SEMA6D: variants seen among roughly 807,000 people sequenced by gnomAD.
SEMA6D encodes semaphorin-6D.
Under a neutral mutation model 106.6 loss-of-function variants are expected in SEMA6D, and 35 were observed. The observed-to-expected ratio is 0.33, with a 90% CI of 0.25 to 0.44. The LOEUF is 0.44. Among genes scored for constraint, SEMA6D ranks in the 20% least tolerant of loss-of-function variants. The probability of loss-of-function intolerance (pLI) is 1.00; values close to 1 mark genes in which losing one functional copy is unlikely to be tolerated. For synonymous variants in SEMA6D, 499 were observed against 487.7 expected, an observed-to-expected ratio of 1.02 and a Z score of -0.31; for missense variants, 1,185 against 1,345.9, an observed-to-expected ratio of 0.88 and a Z score of 1.87.
At chr15:47,720,261 CTTTTTTTTTTTT>C (rs869122623) in intron 1 of SEMA6D, among the ~76,000 whole-genome samples, 16 of 97,168 alleles carry the variant, frequency 1.6e-4, no homozygotes, top group African/African-American at 5.8e-4. Context: ...AATAACCTTT[CTTTTTTTTTTTT>C]TTTTTTTTTT....
intron 1 of SEMA6D, among the ~76,000 whole-genome samples, chr15:47,390,774 T>C (rs2040001569): frequency 6.6e-6 from 1 of 152,224 alleles, no homozygotes; most frequent in Non-Finnish European, 1.5e-5. Context: ...TGTTTCTTCA[T>C]AGCATTTATA....
intron 1 of SEMA6D, among the ~76,000 whole-genome samples, chr15:47,313,355 A>G (rs902107647): frequency 2.6e-5 from 4 of 152,160 alleles, no homozygotes; most frequent in African/African-American, 9.7e-5. Context: ...AATGTCATAT[A>G]GTAAGAATCA....
At chr15:47,463,415 T>C (rs2042570184) in intron 2 of SEMA6D, among the ~76,000 whole-genome samples, 1 of 152,196 alleles carries the variant, frequency 6.6e-6, no homozygotes, top group Non-Finnish European at 1.5e-5. Context: ...TGACTGCATA[T>C]ATGTCTCCTT....
At chr15:47,605,307 G>A (rs985077203) in intron 4 of SEMA6D, 7 of 152,164 alleles carry the variant, frequency 4.6e-5, no homozygotes, top group African/African-American at 1.4e-4. Flanking sequence ...TAGGCCACTT[G>A]AGTGTCCTCA....
In SEMA6D at chr15:47,689,401, T is replaced by C. The variant is rs188550197; in HGVS notation, c.-54-70344T>C. 2.6e-3 allele frequency among the ~76,000 whole-genome samples: 391 copies of C among 152,310 alleles called. 2 individuals carry two copies. The highest frequency in any genetic ancestry group is 9.0e-3 in the African/African-American group (375 of 41,568). The stretch of plus-strand genomic sequence containing the variant: ...ATTGGCTCTTTCATAAATAAACACA[T>C]ATAAAATTACACCAATGAGATGGCA... On this transcript the variant is annotated intron_variant, in intron 4 of 19. Transcript: ENST00000558014.
At chr15:47,190,612 C>T (rs1893895082) in intron 1 of SEMA6D, among the ~76,000 whole-genome samples, 1 of 152,138 alleles carries the variant, frequency 6.6e-6, no homozygotes, top group Non-Finnish European at 1.5e-5. Flanking sequence ...AGAAGTAAGT[C>T]CATTTATTCT....
At chr15:47,385,833 A>T (rs1344634384) in intron 1 of SEMA6D, among the ~76,000 whole-genome samples, 1 of 152,228 alleles carries the variant, frequency 6.6e-6, no homozygotes. Flanking sequence ...AAGAAATAGG[A>T]TGAGCTACCT....
chr15:47,363,512 C>G (rs2038891282), intron 1 of SEMA6D, among the ~76,000 whole-genome samples: 1 of 152,092 alleles, frequency 6.6e-6, no homozygotes, highest in Non-Finnish European at 1.5e-5. Context: ...AGGTGACAGG[C>G]CAGTGAAGCT....
chr15:47,714,550 A>G (rs1007437662), upstream of SEMA6D, among the ~76,000 whole-genome samples: 3 of 152,222 alleles, frequency 2.0e-5, no homozygotes, highest in Non-Finnish European at 4.4e-5. Context: ...TTCAAACTGG[A>G]CTGTAAACAA....
At chr15:47,529,946 G>A (rs2044900526) in intron 3 of SEMA6D, among the ~76,000 whole-genome samples, 2 of 152,084 alleles carry the variant, frequency 1.3e-5, no homozygotes, top group African/African-American at 2.4e-5. Context: ...TCATTCTTTG[G>A]GTAATAGTCG....
intron 4 of SEMA6D, among the ~76,000 whole-genome samples, chr15:47,686,015 A>AT (rs1233201378): frequency 1.3e-5 from 2 of 152,236 alleles, no homozygotes; most frequent in Non-Finnish European, 2.9e-5. Flanking sequence ...AGGAATAGAA[A>AT]TTAAAACATT....
At chr15:47,217,509 G>A (rs1566932076) in intron 1 of SEMA6D, among the ~76,000 whole-genome samples, 1 of 151,942 alleles carries the variant, frequency 6.6e-6, no homozygotes, top group Non-Finnish European at 1.5e-5. Flanking sequence ...AGCTGTTGGT[G>A]CTGATGTAGA....
intron 3 of SEMA6D, among the ~76,000 whole-genome samples, chr15:47,479,216 G>A (rs1467395953): frequency 6.6e-6 from 1 of 151,500 alleles, no homozygotes; most frequent in Non-Finnish European, 1.5e-5. Context: ...TGGGTTATAT[G>A]CTCCTGGGGG....
intron 1 of SEMA6D, among the ~76,000 whole-genome samples, chr15:47,265,476 G>A (rs1258640642): frequency 2.6e-5 from 4 of 151,838 alleles, no homozygotes; most frequent in African/African-American, 9.7e-5. Context: ...TCCATTTGGT[G>A]TGAAATTGTC....
intron 2 of SEMA6D, among the ~76,000 whole-genome samples, chr15:47,459,968 C>A (rs1245659126): frequency 6.6e-6 from 1 of 151,996 alleles, no homozygotes; most frequent in African/African-American, 2.4e-5. Flanking sequence ...CCTCCATTGA[C>A]CTTTTAAGCT....
chr15:47,361,592 AG>A (rs1425250157), intron 1 of SEMA6D, among the ~76,000 whole-genome samples: 2 of 152,232 alleles, frequency 1.3e-5, no homozygotes, highest in Non-Finnish European at 2.9e-5. Flanking sequence ...CTGTGAGGGC[AG>A]GGACTTGGGC....
intron 1 of SEMA6D, among the ~76,000 whole-genome samples, chr15:47,398,090 C>A (rs1220830007): frequency 6.6e-6 from 1 of 152,178 alleles, no homozygotes; most frequent in Non-Finnish European, 1.5e-5. Context: ...TAAGAAAGAT[C>A]ATTTAATCCA....
intron 3 of SEMA6D, among the ~76,000 whole-genome samples, chr15:47,471,161 G>A (rs1046833994): frequency 1.3e-5 from 2 of 152,088 alleles, no homozygotes; most frequent in Admixed American, 6.6e-5. Context: ...CAGGGCAGTC[G>A]ACAATTCTAC....
Position 47,517,459 on chromosome 15 carries a change from G to A in SEMA6D, c.-87+46914G>A, listed in dbSNP as rs533680858. ...TATGCGTTCATTACACATCTATATT[G>A]TACTCTAAAAAGTGTAGTGAATTCT... is the stretch of plus-strand genomic sequence containing the variant. On this transcript the variant is annotated intron_variant, in intron 3 of 19. Coordinates refer to the SEMA6D transcript ENST00000558014. Among the ~76,000 whole-genome samples, 8 of 152,024 alleles carry A rather than the reference G, an allele frequency of 5.3e-5. No homozygotes were observed. In the East Asian group the frequency reaches 1.4e-3, roughly 26 times the overall value.
Sources: gnomAD v4.1 joint callset for allele counts (sites outside exome capture counted in the v4.1 genomes callset) on GRCh38, gnomAD v4.1.1 for gene constraint, MANE v1.5 for transcripts, NCBI Gene and HGNC (gene_info 2026-07-23, HGNC 2026-07-21) for gene names.